PHF24: variants seen among roughly 807,000 people sequenced by gnomAD.
The protein encoded by PHF24 is PHD finger protein 24, also known as Galpha inhibitory interacting protein.
A neutral mutation model predicts 42.6 loss-of-function variants in PHF24; 25 were observed. The observed-to-expected ratio is 0.59, with a 90% CI of 0.43 to 0.82. PHF24 has a LOEUF of 0.82. Ranked by LOEUF, PHF24 falls within the 40% of genes least tolerant of loss-of-function variation. The pLI is 0.00. For synonymous variants in PHF24, 185 were observed against 204.8 expected, an observed-to-expected ratio of 0.90 and a Z score of 0.83; for missense variants, 470 against 538.1, an observed-to-expected ratio of 0.87 and a Z score of 1.25.
At chr9:34,907,207 C>T in the PHF24 span, among the ~76,000 whole-genome samples, 21 of 152,274 alleles carry the variant, frequency 1.4e-4, no homozygotes, top group South Asian at 6.2e-4. Flanking sequence ...CCTTTGTTCC[C>T]GTGTAGCTCT....
At chr9:34,732,087 C>T in the PHF24 span, among the ~76,000 whole-genome samples, 2 of 149,128 alleles carry the variant, frequency 1.3e-5, no homozygotes, top group East Asian at 2.0e-4. Context: ...GTCTTGAACT[C>T]GTAGGCTCAG....
At chr9:34,704,478 A>AGTGTTT in the PHF24 span, among the ~76,000 whole-genome samples, 1 of 150,602 alleles carries the variant, frequency 6.6e-6, no homozygotes, top group African/African-American at 2.4e-5. Context: ...TGATTTCATT[A>AGTGTTT]GTGTGTGTGT....
chr9:34,665,973 G>A, the PHF24 span: 1 of 465,790 alleles, frequency 2.1e-6, no homozygotes, highest in Non-Finnish European at 3.9e-6. Flanking sequence ...AGGGGCTGGG[G>A]TCACCTGGAG....
the PHF24 span, among the ~76,000 whole-genome samples, chr9:34,900,565 C>T: frequency 6.6e-6 from 1 of 152,150 alleles, no homozygotes; most frequent in South Asian, 2.1e-4. Context: ...CACCACTGCA[C>T]TCCAGCCTAG....
chr9:34,742,797 A>G, the PHF24 span, among the ~76,000 whole-genome samples: 1 of 152,060 alleles, frequency 6.6e-6, no homozygotes, highest in Non-Finnish European at 1.5e-5. Context: ...TGCATTAAAC[A>G]CTTGCATTTT....
chr9:34,968,602 G>A (rs1489581962), intron 1 of PHF24, among the ~76,000 whole-genome samples: 1 of 152,208 alleles, frequency 6.6e-6, no homozygotes, highest in East Asian at 1.9e-4. Flanking sequence ...GGCAAGGCAA[G>A]CACGTGAGCA....
At chr9:34,683,009 A>C in the PHF24 span, among the ~76,000 whole-genome samples, 1 of 152,186 alleles carries the variant, frequency 6.6e-6, no homozygotes, top group African/African-American at 2.4e-5. Flanking sequence ...CAAGTTGTCA[A>C]ATAAAAAATG....
chr9:34,921,339 G>C, the PHF24 span, among the ~76,000 whole-genome samples: 1 of 151,186 alleles, frequency 6.6e-6, no homozygotes, highest in Non-Finnish European at 1.5e-5. Context: ...TACAGCACAT[G>C]CATGTTAGGC....
At chr9:34,956,157 C>T (rs1310392279), upstream of PHF24, among the ~76,000 whole-genome samples, 1 of 152,140 alleles carries the variant, frequency 6.6e-6, no homozygotes, top group South Asian at 2.1e-4. Context: ...AATGCTTGTC[C>T]TCTATGAGAT....
chr9:34,977,034 C>G, intron 5 of PHF24, 49 bp from the exon 6 acceptor site: 1 of 1,526,698 alleles, frequency 6.6e-7, no homozygotes, highest in East Asian at 2.3e-5. Flanking sequence ...TATGGCTTGG[C>G]AGTTTACAAG....
At chr9:34,846,690 ATGG>A in the PHF24 span, among the ~76,000 whole-genome samples, 1 of 152,190 alleles carries the variant, frequency 6.6e-6, no homozygotes, top group Non-Finnish European at 1.5e-5. Context: ...TATGTCCTGA[ATGG>A]TAATGCCCAG....
the PHF24 span, among the ~76,000 whole-genome samples, chr9:34,797,929 G>A: frequency 6.6e-6 from 1 of 152,102 alleles, no homozygotes; most frequent in Non-Finnish European, 1.5e-5. Context: ...TCCTTTCCCA[G>A]CACTTCCCTT....
At chr9:34,837,603 A>G in the PHF24 span, 2 of 1,389,724 alleles carry the variant, frequency 1.4e-6, no homozygotes, top group Non-Finnish European at 1.0e-6. Context: ...GACAGGATTC[A>G]TAGGAAACAC....
chr9:34,671,215 G>A, the PHF24 span, among the ~76,000 whole-genome samples: 1 of 152,208 alleles, frequency 6.6e-6, no homozygotes, highest in Non-Finnish European at 1.5e-5. Context: ...TGAGGAGAGG[G>A]TTTGGTCTGC....
the PHF24 span, among the ~76,000 whole-genome samples, chr9:34,943,377 A>T: frequency 6.6e-6 from 1 of 152,332 alleles, no homozygotes; most frequent in South Asian, 2.1e-4. Context: ...ATATCTAAGT[A>T]TACCAGTGCA....
chr9:34,766,855 A>T, the PHF24 span, among the ~76,000 whole-genome samples: 2 of 151,950 alleles, frequency 1.3e-5, no homozygotes, highest in Admixed American at 1.3e-4. Flanking sequence ...GTCTTTGATG[A>T]TGGTGATGTA....
At chr9:34,798,844 T>C in the PHF24 span, among the ~76,000 whole-genome samples, 1 of 152,246 alleles carries the variant, frequency 6.6e-6, no homozygotes, top group African/African-American at 2.4e-5. Context: ...GCTTTCCCTC[T>C]TCTCCACGGC....
the PHF24 span, among the ~76,000 whole-genome samples, chr9:34,693,108 CT>C: frequency 6.6e-6 from 1 of 152,148 alleles, no homozygotes; most frequent in African/African-American, 2.4e-5. Context: ...GCCTTCTATC[CT>C]TTTATTCAGG....
At chr9:34,689,919 G>T in the PHF24 span, 1 of 1,614,016 alleles carries the variant, frequency 6.2e-7, no homozygotes, top group South Asian at 1.1e-5. This position sits in a 1 kb window ranked among gnomAD's most constrained non-coding sequence, Gnocchi z 4.1. Context: ...GCCAGGGAGG[G>T]CCAGGCTTGC....
Sources: allele counts gnomAD v4.1 joint callset (sites outside exome capture counted in the v4.1 genomes callset), GRCh38; gene constraint gnomAD v4.1.1; non-coding constraint Gnocchi (gnomAD v3.1); transcripts MANE v1.5; gene names NCBI Gene and HGNC (gene_info 2026-07-23, HGNC 2026-07-21).